Variants in GRIN2A observed in about 807,000 individuals in gnomAD.
The protein encoded by GRIN2A is glutamate ionotropic receptor NMDA type subunit 2A.
In GRIN2A, 22 loss-of-function variants were observed where a neutral mutation model predicts 113.4. The ratio of observed to expected loss-of-function variants is 0.19; its 90% CI spans 0.14 to 0.28. GRIN2A has a LOEUF of 0.28. Among genes scored for constraint, GRIN2A ranks in the 10% least tolerant of loss-of-function variants. The probability of loss-of-function intolerance (pLI) is 1.00; values close to 1 mark genes in which losing one functional copy is unlikely to be tolerated. For synonymous variants in GRIN2A, 827 were observed against 738.4 expected (o/e 1.12, Z -1.94); for missense variants, 1,502 against 1,887.0 (o/e 0.80, Z 3.78).
chr16:9,877,755 C>T (rs1272759465), intron 4 of GRIN2A, among the ~76,000 whole-genome samples: 1 of 140,702 alleles, frequency 7.1e-6, no homozygotes, highest in African/African-American at 2.7e-5. Context: ...CCTCTCTTCT[C>T]CCTCTCTCCT....
chr16:9,857,989 T>G (rs1273355608), intron 4 of GRIN2A, among the ~76,000 whole-genome samples: 2 of 152,242 alleles, frequency 1.3e-5, no homozygotes, highest in African/African-American at 4.8e-5. Context: ...ATTTATCAGA[T>G]TTTTGGTTAT....
At chr16:9,964,282 A>G (rs2045507194) in intron 2 of GRIN2A, among the ~76,000 whole-genome samples, 1 of 152,222 alleles carries the variant, frequency 6.6e-6, no homozygotes, top group Non-Finnish European at 1.5e-5. Flanking sequence ...CAGTGACCCA[A>G]TCCTGCATCT....
chr16:9,970,980 G>A (rs1180325304), intron 2 of GRIN2A: 3 of 152,230 alleles, frequency 2.0e-5, no homozygotes, highest in Admixed American at 6.5e-5. Flanking sequence ...AAAGAGTTGT[G>A]TAGATAGTCA....
intron 2 of GRIN2A, among the ~76,000 whole-genome samples, chr16:10,103,650 G>C (rs1304876301): frequency 6.6e-6 from 1 of 152,118 alleles, no homozygotes; most frequent in African/African-American, 2.4e-5. Flanking sequence ...CAAAACAAGA[G>C]AGTCCATATG....
At chr16:10,118,243 G>C (rs927386073) in intron 2 of GRIN2A, among the ~76,000 whole-genome samples, 20 of 152,104 alleles carry the variant, frequency 1.3e-4, no homozygotes, top group African/African-American at 4.8e-4. Context: ...CAGATACCCT[G>C]AACTTTTTAG....
intron 3 of GRIN2A, among the ~76,000 whole-genome samples, chr16:9,908,222 C>CTAA (rs1223086291): frequency 3.3e-5 from 5 of 152,082 alleles, no homozygotes; most frequent in Admixed American, 6.6e-5. Context: ...CCCTAAAAGA[C>CTAA]TAAGCTCTGC....
chr16:10,069,058 T>C (rs986545252), intron 2 of GRIN2A, among the ~76,000 whole-genome samples: 1 of 151,986 alleles, frequency 6.6e-6, no homozygotes, highest in Non-Finnish European at 1.5e-5. Flanking sequence ...GGCACCTAGG[T>C]TCTAGCCACC....
intron 2 of GRIN2A, among the ~76,000 whole-genome samples, chr16:9,975,573 C>G (rs552111515): frequency 6.6e-6 from 1 of 152,086 alleles, no homozygotes; most frequent in African/African-American, 2.4e-5. Context: ...GTGAATCATT[C>G]GTCACAGCAG....
intron 10 of GRIN2A, among the ~76,000 whole-genome samples, chr16:9,807,745 C>T (rs368547044): frequency 6.6e-6 from 1 of 152,232 alleles, no homozygotes. Flanking sequence ...ACACCATTGC[C>T]GGGCTCCCCC....
rs999761629 is a variant in GRIN2A, at chr16:9,759,422, G to A, written c.*3727C>T. 3.6e-5 allele frequency: 8 copies of A among 225,344 alleles called. No homozygotes were observed. The highest frequency in any genetic ancestry group is 1.6e-4 in the African/African-American group (7 of 44,928). 14.0% of individuals were successfully genotyped at this position (225,344 alleles called of 1,614,324 possible). A position where few individuals can be genotyped will look rare whatever the true frequency, so the allele number is the denominator to read the frequency against. On this transcript the variant is annotated 3_prime_UTR_variant, in exon 13 of 13. Coordinates refer to ENST00000330684, the MANE Select transcript of GRIN2A (RefSeq NM_001134407.3). ...ACATAGCAAATAGAATAAACAATGT[G>A]TGACTATATGACAGCTGTGGATCTT...
At chr16:9,853,620 T>C (rs1465845483) in intron 4 of GRIN2A, among the ~76,000 whole-genome samples, 1 of 151,976 alleles carries the variant, frequency 6.6e-6, no homozygotes, top group Non-Finnish European at 1.5e-5. Context: ...GGACTAAGAG[T>C]CAATCAAGTT....
intron 2 of GRIN2A, among the ~76,000 whole-genome samples, chr16:10,011,658 AC>A (rs1275181309): frequency 2.4e-4 from 36 of 152,206 alleles, no homozygotes; most frequent in Admixed American, 1.8e-3. Context: ...TTTGCAGAGC[AC>A]CCTTGAAACA....
At chr16:9,997,453 T>A (rs1443250604) in intron 2 of GRIN2A, among the ~76,000 whole-genome samples, 2 of 152,222 alleles carry the variant, frequency 1.3e-5, no homozygotes, top group Non-Finnish European at 2.9e-5. Context: ...TTTTCATGTT[T>A]TCTTTCAATT....
At chr16:9,998,895 A>G (rs2141837124) in intron 2 of GRIN2A, among the ~76,000 whole-genome samples, 1 of 152,114 alleles carries the variant, frequency 6.6e-6, no homozygotes, top group East Asian at 1.9e-4. Context: ...CTCCTTCAGG[A>G]CTTCCTGGAT....
chr16:9,858,829 G>C (rs916733225), intron 4 of GRIN2A, among the ~76,000 whole-genome samples: 1 of 152,110 alleles, frequency 6.6e-6, no homozygotes, highest in African/African-American at 2.4e-5. Context: ...TAAATTCAGA[G>C]GGATGTTGCC....
In GRIN2A at chr16:9,985,672, A is replaced by T. The variant is rs528795397; in HGVS notation, c.415-47121T>A. Among the ~76,000 whole-genome samples the T allele has an allele frequency of 1.5e-3, 221 of 152,226 alleles. 3 individuals are homozygous for T. The highest frequency in any genetic ancestry group is 5.2e-3 in the African/African-American group (216 of 41,556). The stretch of plus-strand genomic sequence containing the variant: ...AACAATTGAACTCATGGAGGTAGAG[A>T]GTAGAGTGATGGTTACCAGAGGCTA... On this transcript the variant is annotated intron_variant, in intron 2 of 12. Transcript: ENST00000330684.
intron 2 of GRIN2A, among the ~76,000 whole-genome samples, chr16:10,044,052 G>C (rs1567258055): frequency 6.9e-6 from 1 of 145,626 alleles, no homozygotes; most frequent in African/African-American, 2.6e-5. Flanking sequence ...GAGAGACAGA[G>C]ACAGAGACAG....
At chr16:9,949,231 G>C (rs2045105344) in intron 2 of GRIN2A, among the ~76,000 whole-genome samples, 1 of 152,178 alleles carries the variant, frequency 6.6e-6, no homozygotes, top group Non-Finnish European at 1.5e-5. Flanking sequence ...TACAGTAATA[G>C]CACACAGCCC....
At chr16:9,983,525 C>T (rs1250790826) in intron 2 of GRIN2A, among the ~76,000 whole-genome samples, 8 of 150,392 alleles carry the variant, frequency 5.3e-5, no homozygotes, top group African/African-American at 9.8e-5. Flanking sequence ...CTGCAAGCTT[C>T]GCCTCCCGGG....
Sources: gnomAD v4.1 joint callset for allele counts (sites outside exome capture counted in the v4.1 genomes callset) on GRCh38, gnomAD v4.1.1 for gene constraint, MANE v1.5 for transcripts, NCBI Gene and HGNC (gene_info 2026-07-23, HGNC 2026-07-21) for gene names.